Variants in CHD5 observed in about 807,000 individuals in gnomAD.
The protein encoded by CHD5 is chromodomain helicase DNA binding protein 5, also known as ATP-dependent chromatin remodeler CHD5.
A neutral mutation model predicts 230.3 loss-of-function variants in CHD5; 69 were observed. The observed-to-expected ratio is 0.30, with a 90% CI of 0.25 to 0.37. CHD5 has a LOEUF of 0.37. Ranked by LOEUF, CHD5 falls within the 10% of genes least tolerant of loss-of-function variation. The probability of loss-of-function intolerance (pLI) is 1.00; values close to 1 mark genes in which losing one functional copy is unlikely to be tolerated. For missense variants in CHD5, 1,827 were observed against 2,622.8 expected (o/e 0.70, Z 6.63); for synonymous variants, 1,064 against 1,065.9 (o/e 1.00, Z 0.03).
intron 13 of CHD5, among the ~76,000 whole-genome samples, chr1:6,143,600 T>C (rs1419833760): frequency 6.6e-6 from 1 of 152,216 alleles, no homozygotes; most frequent in Non-Finnish European, 1.5e-5. Flanking sequence ...TGAGTCATCC[T>C]GGGTCTCCTC....
intron 12 of CHD5, 33 bp from the exon 13 acceptor site, chr1:6,143,964 G>A: frequency 6.2e-7 from 1 of 1,614,114 alleles, no homozygotes; most frequent in Non-Finnish European, 8.5e-7. Flanking sequence ...GGTGAGCAAG[G>A]CTCAGCCCAG....
rs1666836396 is a variant in CHD5, at chr1:6,142,053, A to T, written c.2436+75T>A. ...CTCCCAGGCTGAGGGACCCCAAAGG[A>T]GTGCACGGCACCCGTGGTCCCTGAA... On this transcript the variant is annotated intron_variant, in intron 15 of 41. Transcript: ENST00000262450. The surrounding 1 kb of genome is among the most constrained non-coding windows in gnomAD (Gnocchi z 5.2). 7.5e-7 allele frequency: 1 copy of T among 1,335,692 alleles called. No homozygotes were observed. 82.7% of individuals were successfully genotyped at this position (1,335,692 alleles called of 1,614,324 possible).
intron 1 of CHD5, among the ~76,000 whole-genome samples, chr1:6,170,708 G>T (rs538204342): frequency 6.6e-6 from 1 of 152,358 alleles, no homozygotes; most frequent in South Asian, 2.1e-4. Flanking sequence ...CCAGGGGCAG[G>T]GGCTGGGCTG....
At position 6,154,349 on chromosome 1, in the gene CHD5, C is replaced by T. The variant is rs1386218008; in HGVS notation, c.745+311G>A. Among the ~76,000 whole-genome samples, 1 of 152,184 alleles carries T rather than the reference C, an allele frequency of 6.6e-6. No individual in the cohort carries two copies. The highest frequency in any genetic ancestry group is 2.4e-5 in the African/African-American group (1 of 41,462). ...GGCTCCACTCTGCGTACCTCTGGTC[C>T]CGCCCTCCCTCCAGGCCCACGTCGG... On this transcript the variant is annotated intron_variant, in intron 5 of 41. Coordinates refer to ENST00000262450, the MANE Select transcript of CHD5 (RefSeq NM_015557.3). The surrounding 1 kb of genome is among the most constrained non-coding windows in gnomAD (Gnocchi z 7.0).
Position 6,111,820 on chromosome 1 carries a change from A to G in CHD5, c.5204T>C (p.Ile1735Thr). 1 of 1,613,536 alleles carries G rather than the reference A, an allele frequency of 6.2e-7. No individual in the cohort carries two copies. The highest frequency in any genetic ancestry group is 8.5e-7 in the Non-Finnish European group (1 of 1,180,020). The stretch of plus-strand genomic sequence containing the variant: ...CCAGTAGTCATGGCGCCGGTGCCAG[A>G]TGTCGTAGATTTTCCCAGAGGATAC... The part of the protein sequence containing the change: ...AAVSSGKIYD[I>T]WHRRHDYWLL... Residue 1735 changes from isoleucine (I) to threonine (T), a missense_variant, in exon 36 of 42, where the codon ATC (isoleucine) becomes ACC (threonine). Physicochemically the swap from Ile to Thr is moderately conservative, Grantham distance 89 (BLOSUM62 -1). Transcript: ENST00000262450.
Position 6,142,558 on chromosome 1 carries a change from G to T in CHD5, c.2091C>A (p.Gly697=), listed in dbSNP as rs148297777. The T allele has an allele frequency of 6.2e-7, 1 of 1,613,984 alleles. No homozygotes were observed. Among genetic ancestry groups the T allele is most frequent in the Non-Finnish European group, 8.5e-7 (1 of 1,180,020 alleles). The change falls in exon 14 of 42, where the codon GGC becomes GGA. Residue 697 remains glycine (G), a synonymous_variant. Coordinates refer to ENST00000262450, the MANE Select transcript of CHD5 (RefSeq NM_015557.3). This position sits in a 1 kb window ranked among gnomAD's most constrained non-coding sequence, Gnocchi z 5.2. ...CCAGCTGGTACGGGTGCAGTGTGCCGCCTGTGGAGTCGATGTACCATGGCT... is the reference window on the plus strand; with the variant it reads ...CCAGCTGGTACGGGTGCAGTGTGCCTCCTGTGGAGTCGATGTACCATGGCT... ...DKQPWYIDST[G]GTLHPYQLEG...
At position 6,104,312 on chromosome 1, in the gene CHD5, T is replaced by C. The variant is rs972243586; in HGVS notation, c.*1162A>G. The C allele has an allele frequency of 6.6e-6, 1 of 152,202 alleles. No homozygotes were observed. The highest frequency in any genetic ancestry group is 1.5e-5 in the Non-Finnish European group (1 of 68,062). 9.4% of individuals were successfully genotyped at this position (152,202 alleles called of 1,614,324 possible). On this transcript the variant is annotated 3_prime_UTR_variant, in exon 42 of 42. Coordinates refer to ENST00000262450, the MANE Select transcript of CHD5 (RefSeq NM_015557.3). The stretch of plus-strand genomic sequence containing the variant: ...GCTGGGAGGGGTCTGCAGAGGGCAC[T>C]GGGTCCAGTCCCCCTCCAGGCAGAA...
chr1:6,140,721 G>T (rs1005186574), intron 15 of CHD5, among the ~76,000 whole-genome samples: 4 of 151,936 alleles, frequency 2.6e-5, no homozygotes, highest in African/African-American at 9.7e-5. Context: ...TTAGTTGTCT[G>T]GGCATGGTGG....
At position 6,155,002 on chromosome 1, in the gene CHD5, C is replaced by T. The variant is rs1667059572; in HGVS notation, c.507-104G>A. 5 of 1,012,976 alleles carry T rather than the reference C, an allele frequency of 4.9e-6. No homozygotes were observed. The highest frequency in any genetic ancestry group is 7.3e-6 in the Non-Finnish European group (5 of 689,012). The allele number at this position is 1,012,976 out of a possible 1,614,324, so 62.7% of individuals were successfully genotyped here. ...CCTCTGCCACATGTGCGATCTATGGCAGCAGCCCCAGGTTCCTGATTAGAG... is the reference window on the plus strand; with the variant it reads ...CCTCTGCCACATGTGCGATCTATGGTAGCAGCCCCAGGTTCCTGATTAGAG... On this transcript the variant is annotated intron_variant, in intron 4 of 41. Transcript: ENST00000262450. This position sits in a 1 kb window ranked among gnomAD's most constrained non-coding sequence, Gnocchi z 4.0.
rs370637949 is a variant in CHD5, at chr1:6,175,243, T to G, written c.79+4702A>C. Among the ~76,000 whole-genome samples, 40 of 135,000 alleles carry G rather than the reference T, an allele frequency of 3.0e-4. No homozygotes were observed. In the East Asian group the frequency reaches 6.1e-3, roughly 21 times the overall value. The allele number at this position is 135,000 out of a possible 152,430, so 88.6% of individuals were successfully genotyped here. On this transcript the variant is annotated intron_variant, in intron 1 of 41. Transcript: ENST00000262450. ...TTGGATGCGTGGTTGGATTGTGGAT[T>G]GATGGATGGATGGTGGGTGGATGGA...
Position 6,106,707 on chromosome 1 carries a change from C to A in CHD5, c.5651G>T (p.Arg1884Leu). The part of the protein sequence containing the change: ...DVTRLPSMLS[R>L]IPPVAARLQM... Reference sequence around the variant, plus strand: ...CAGCCGGGCGGCCACCGGGGGGATGCGGGACAGCATGGATGGCAGCCGGGT... The same window carrying A: ...CAGCCGGGCGGCCACCGGGGGGATGAGGGACAGCATGGATGGCAGCCGGGT... The change falls in exon 39 of 42, where the codon CGC (arginine) becomes CTC (leucine). Residue 1884 changes from arginine to leucine, a missense_variant. Transcript: ENST00000262450. The A allele has an allele frequency of 6.2e-7, 1 of 1,611,654 alleles. No homozygotes were observed. The highest frequency in any genetic ancestry group is 8.5e-7 in the Non-Finnish European group (1 of 1,179,656).
Position 6,148,900 on chromosome 1 carries a change from G to T in CHD5, c.1337C>A (p.Pro446Gln). The change falls in exon 9 of 42, where the codon CCG becomes CAG. Residue 446 changes from proline (P) to glutamine (Q), a missense_variant. Physicochemically the swap from Pro to Gln is moderately conservative, Grantham distance 76. Transcript: ENST00000262450. ...TTCACCGTTTGGGATCTCGGGCAGC[G>T]GCGGGTTGAGGCAATGCAGGTGGTA... The part of the protein sequence containing the change: ...SSYHLHCLNP[P>Q]LPEIPNGEWL... 1.9e-6 allele frequency: 3 copies of T among 1,586,996 alleles called. No homozygotes were observed. Among genetic ancestry groups the T allele is most frequent in the Non-Finnish European group, 2.6e-6 (3 of 1,165,742 alleles).
At chr1:6,148,670 G>A (rs1666948435) in intron 9 of CHD5, among the ~76,000 whole-genome samples, 184 bp downstream of exon 9, 1 of 152,182 alleles carries the variant, frequency 6.6e-6, no homozygotes, top group South Asian at 2.1e-4. Flanking sequence ...GGAGAAGGGC[G>A]CGAGGAAGCT....
In CHD5 at chr1:6,134,939, A is replaced by G; in HGVS notation, c.2871-80T>C. 1.9e-6 allele frequency: 3 copies of G among 1,570,414 alleles called. 1 individual carries two copies. The highest frequency in any genetic ancestry group is 2.6e-6 in the Non-Finnish European group (3 of 1,146,528). ...TCTCTCTGCTCTGCAGTGGGGCTGGAAGCTGGTGGCCAAGCACCCATTTAC... is the reference window on the plus strand; with the variant it reads ...TCTCTCTGCTCTGCAGTGGGGCTGGGAGCTGGTGGCCAAGCACCCATTTAC... On this transcript the variant is annotated intron_variant, in intron 18 of 41. Coordinates refer to ENST00000262450, the MANE Select transcript of CHD5 (RefSeq NM_015557.3). The surrounding 1 kb of genome is among the most constrained non-coding windows in gnomAD (Gnocchi z 6.3).
chr1:6,115,655 C>T (rs529065862), intron 33 of CHD5, among the ~76,000 whole-genome samples: 2 of 152,330 alleles, frequency 1.3e-5, no homozygotes, highest in Admixed American at 6.5e-5. Flanking sequence ...GGACCTCAGT[C>T]CTCCAGCCTC....
At position 6,145,753 on chromosome 1, in the gene CHD5, G is replaced by A. The variant is rs192260045; in HGVS notation, c.1802+459C>T. 7.0e-4 allele frequency among the ~76,000 whole-genome samples: 106 copies of A among 152,348 alleles called. 2 individuals are homozygous for A. Among genetic ancestry groups the A allele is most frequent in the African/African-American group, 2.3e-3 (97 of 41,570 alleles). ...CACCCCGTGGCTGTGTGATTCTGGC[G>A]ACTTAACCTTGCTGTGCCTATTCTC... On this transcript the variant is annotated intron_variant, in intron 11 of 41. Transcript: ENST00000262450.
At chr1:6,112,388 G>C in intron 34 of CHD5, 111 bp from the exon 35 acceptor site, 1 of 1,325,766 alleles carries the variant, frequency 7.5e-7, no homozygotes, top group Non-Finnish European at 1.1e-6. Context: ...ACATCCTCTT[G>C]TCCTCAGGGG....
intron 33 of CHD5, chr1:6,113,224 G>C (rs947388333): frequency 1.5e-5 from 8 of 527,578 alleles, no homozygotes; most frequent in African/African-American, 1.1e-4. Flanking sequence ...AGGAGTTCAA[G>C]ACCAGCCTGG....
In CHD5 at chr1:6,131,502, CCTG is replaced by C. The variant is rs2100848387; in HGVS notation, c.3262+126_3262+128del. The C allele has an allele frequency of 1.7e-6, 1 of 603,206 alleles. No individual in the cohort carries two copies. The highest frequency in any genetic ancestry group is 1.8e-5 in the African/African-American group (1 of 54,648). 37.4% of individuals were successfully genotyped at this position (603,206 alleles called of 1,614,324 possible). On this transcript the variant is annotated intron_variant, in intron 21 of 41. Transcript: ENST00000262450. This position sits in a 1 kb window ranked among gnomAD's most constrained non-coding sequence, Gnocchi z 5.0. ...TTTTAACATTGGAAACTCGGACTGG[CCTG>C]CTGTCTTTAGCTGTTTGTGAGGCTG...
Sources: allele counts gnomAD v4.1 joint callset (sites outside exome capture counted in the v4.1 genomes callset), GRCh38; gene constraint gnomAD v4.1.1; non-coding constraint Gnocchi (gnomAD v3.1); transcripts MANE v1.5; gene names NCBI Gene and HGNC (gene_info 2026-07-23, HGNC 2026-07-21).